The following RHOU variants were observed in gnomAD, a reference collection of about 807,000 sequenced individuals.
RHOU encodes the protein rho-related GTP-binding protein RhoU.
RHOU carries 8 observed loss-of-function variants against 12.6 expected under a neutral mutation model. The observed-to-expected ratio is 0.64, with a 90% confidence interval of 0.37 to 1.15. RHOU has a LOEUF of 1.15. RHOU is among the 50% of genes most tolerant of loss of function. The probability of loss-of-function intolerance (pLI) is 0.01; values close to 1 mark genes in which losing one functional copy is unlikely to be tolerated. For synonymous variants in RHOU, 161 were observed against 147.4 expected, an observed-to-expected ratio of 1.09 and a Z score of -0.67; for missense variants, 258 against 347.0, an observed-to-expected ratio of 0.74 and a Z score of 2.04.
chr1:228,660,592 G>A, the RHOU span, among the ~76,000 whole-genome samples: 3 of 151,590 alleles, frequency 2.0e-5, no homozygotes, highest in East Asian at 5.9e-4. Flanking sequence ...AGGACTGTGA[G>A]GTGAAATTCA....
the RHOU span, among the ~76,000 whole-genome samples, chr1:228,717,531 A>G: frequency 1.3e-5 from 2 of 152,228 alleles, no homozygotes; most frequent in East Asian, 1.9e-4. Flanking sequence ...CTGGAGAGGG[A>G]TAGGTAGGAT....
the RHOU span, among the ~76,000 whole-genome samples, chr1:228,722,842 C>G: frequency 2.6e-5 from 4 of 152,080 alleles, no homozygotes; most frequent in Non-Finnish European, 5.9e-5. Context: ...AGGATGGTCT[C>G]GATCTCCTGA....
At chr1:228,647,021 A>C in the RHOU span, among the ~76,000 whole-genome samples, 1 of 144,434 alleles carries the variant, frequency 6.9e-6, no homozygotes, top group Non-Finnish European at 1.5e-5. Context: ...GTCCAGGGGG[A>C]AACCCAGAAG....
At chr1:228,706,222 T>C in the RHOU span, among the ~76,000 whole-genome samples, 7 of 152,298 alleles carry the variant, frequency 4.6e-5, no homozygotes, top group East Asian at 1.3e-3. Context: ...TGTTGGTCAC[T>C]GGAGCCTCTA....
chr1:228,651,576 G>A, the RHOU span, among the ~76,000 whole-genome samples: 4 of 152,192 alleles, frequency 2.6e-5, no homozygotes, highest in Non-Finnish European at 4.4e-5. Flanking sequence ...GGAAGGCCAA[G>A]CAATTACAGG....
the RHOU span, chr1:228,651,066 C>A: frequency 4.0e-6 from 1 of 252,798 alleles, no homozygotes; most frequent in Admixed American, 4.6e-5. Context: ...CTCATAAAGA[C>A]CAAGCACTTC....
the RHOU span, among the ~76,000 whole-genome samples, chr1:228,707,255 A>ATACATAT: frequency 9.1e-4 from 37 of 40,692 alleles, no homozygotes; most frequent in African/African-American, 3.7e-3. Flanking sequence ...ATATATATAT[A>ATACATAT]GTGTGTGTGT....
the RHOU span, among the ~76,000 whole-genome samples, chr1:228,720,378 C>T: frequency 1.6e-3 from 239 of 152,168 alleles, 1 homozygote; most frequent in Non-Finnish European, 2.9e-3. Context: ...ATTCATATAT[C>T]CAAAATATAT....
chr1:228,651,642 C>G, the RHOU span, among the ~76,000 whole-genome samples: 1 of 152,200 alleles, frequency 6.6e-6, no homozygotes, highest in Non-Finnish European at 1.5e-5. Flanking sequence ...AAGGGACTGC[C>G]CAGTCCTTGC....
At chr1:228,663,829 C>T in the RHOU span, among the ~76,000 whole-genome samples, 1 of 151,416 alleles carries the variant, frequency 6.6e-6, no homozygotes, top group Admixed American at 6.6e-5. Context: ...GACGGGGCTT[C>T]ACCATGTTGG....
At chr1:228,650,899 C>T in the RHOU span, 9 of 377,476 alleles carry the variant, frequency 2.4e-5, no homozygotes, top group East Asian at 8.3e-5. Context: ...CACCTACATA[C>T]GAATGGATCC....
chr1:228,704,207 A>G, the RHOU span, among the ~76,000 whole-genome samples: 1 of 152,178 alleles, frequency 6.6e-6, no homozygotes, highest in African/African-American at 2.4e-5. Flanking sequence ...AGACCAAACC[A>G]ATGTACATCT....
the RHOU span, among the ~76,000 whole-genome samples, chr1:228,730,052 A>C: frequency 6.6e-6 from 1 of 152,200 alleles, no homozygotes; most frequent in African/African-American, 2.4e-5. Context: ...AAACATGGCA[A>C]GACATTTTCC....
At chr1:228,680,353 C>T in the RHOU span, among the ~76,000 whole-genome samples, 1 of 152,092 alleles carries the variant, frequency 6.6e-6, no homozygotes, top group African/African-American at 2.4e-5. Context: ...GGAGGAATCC[C>T]GGGCCGTGGG....
At chr1:228,714,200 T>C in the RHOU span, among the ~76,000 whole-genome samples, 1 of 152,144 alleles carries the variant, frequency 6.6e-6, no homozygotes, top group African/African-American at 2.4e-5. Context: ...CATGGTGTAT[T>C]ATTTTCTTAA....
chr1:228,724,189 T>C, the RHOU span, among the ~76,000 whole-genome samples: 1 of 152,200 alleles, frequency 6.6e-6, no homozygotes, highest in South Asian at 2.1e-4. Context: ...AGTGGGTGCT[T>C]AATAAATATT....
the RHOU span, among the ~76,000 whole-genome samples, chr1:228,662,699 G>T: frequency 1.3e-3 from 188 of 148,080 alleles, no homozygotes; most frequent in African/African-American, 4.6e-3. Context: ...GGGGCTGGGG[G>T]AGGGATAGCA....
At chr1:228,658,255 C>T in the RHOU span, among the ~76,000 whole-genome samples, 18 of 140,938 alleles carry the variant, frequency 1.3e-4, no homozygotes, top group Non-Finnish European at 2.6e-4. Flanking sequence ...CTACTGCACT[C>T]CAATGGGGGC....
chr1:228,735,854 G>T lies in RHOU; in HGVS notation c.112G>T (p.Gly38Cys). 7 of 1,390,370 alleles carry T rather than the reference G, an allele frequency of 5.0e-6. No homozygotes were observed. The highest frequency in any genetic ancestry group is 6.5e-6 in the Non-Finnish European group (7 of 1,073,422). 86.1% of individuals were successfully genotyped at this position (1,390,370 alleles called of 1,614,324 possible). The part of the protein sequence containing the change: ...RGGRGPGEPG[G>C]RGRAGGAEGR... ...GGGACGCGGGCCTGGGGAGCCGGGG[G>T]GCCGGGGGCGTGCGGGGGGTGCCGA... The change falls in exon 1 of 3, where the codon GGC becomes TGC. Residue 38 changes from glycine (G) to cysteine (C), a missense_variant. Physicochemically the swap from Gly to Cys is radical, Grantham distance 159 (BLOSUM62 -3). Coordinates refer to ENST00000366691, the MANE Select transcript of RHOU (RefSeq NM_021205.6). The surrounding 1 kb of genome is among the most constrained non-coding windows in gnomAD (Gnocchi z 8.1).
Sources: allele counts gnomAD v4.1 joint callset (sites outside exome capture counted in the v4.1 genomes callset), GRCh38; gene constraint gnomAD v4.1.1; non-coding constraint Gnocchi (gnomAD v3.1); transcripts MANE v1.5; gene names NCBI Gene and HGNC (gene_info 2026-07-23, HGNC 2026-07-21).